Variants in ALG1L2 observed in about 807,000 individuals in gnomAD.
ALG1L2 encodes ALG1 chitobiosyldiphosphodolichol beta-mannosyltransferase like 2.
A neutral mutation model predicts 29.0 loss-of-function variants in ALG1L2; 32 were observed. The observed-to-expected ratio is 1.10, with a 90% CI of 0.83 to 1.48. ALG1L2 has a LOEUF of 1.48. Ranked by LOEUF, ALG1L2 falls within the 40% of genes most tolerant of loss-of-function variation. The probability of loss-of-function intolerance (pLI) is 0.00; values close to 1 mark genes in which losing one functional copy is unlikely to be tolerated. For missense variants in ALG1L2, 318 were observed against 274.1 expected, an observed-to-expected ratio of 1.16 and a Z score of -1.13; for synonymous variants, 110 against 109.5, an observed-to-expected ratio of 1.00 and a Z score of -0.03.
rs1168275061 is a variant in ALG1L2 at position 130,081,908 on chromosome 3, G to A, written c.-109G>A. ...AGACAGGTGTGCAAAGGCTCAGAGGGAGCTTCTCCAGGATCAGCAGAGCTC... is the reference window on the plus strand; with the variant it reads ...AGACAGGTGTGCAAAGGCTCAGAGGAAGCTTCTCCAGGATCAGCAGAGCTC... On this transcript the variant is annotated 5_prime_UTR_variant, in exon 1 of 8. Coordinates refer to ENST00000425059, the MANE Select transcript of ALG1L2 (RefSeq NM_001136152.1). 1 of 1,359,538 alleles carries A rather than the reference G, an allele frequency of 7.4e-7. No individual in the cohort carries two copies. The highest frequency in any genetic ancestry group is 1.4e-5 in the African/African-American group (1 of 71,526). 84.2% of individuals were successfully genotyped at this position (1,359,538 alleles called of 1,614,324 possible). A position where few individuals can be genotyped will look rare whatever the true frequency, so the allele number is the denominator to read the frequency against.
rs1182126684 is a variant in ALG1L2, at chr3:130,097,454, C to G, written c.615+204C>G. Among the ~76,000 whole-genome samples the G allele has an allele frequency of 2.0e-5, 3 of 152,158 alleles. No individual in the cohort carries two copies. In the South Asian group the frequency reaches 6.2e-4, roughly 31 times the overall value. On this transcript the variant is annotated intron_variant, in intron 7 of 7. Transcript: ENST00000425059. ...TAGGCTCGGTAAAGTTAGGACACAA[C>G]CCCACCTGCCCTCTAGATTTATGGA...
intron 3 of ALG1L2, among the ~76,000 whole-genome samples, chr3:130,092,864 T>A (rs1277870325): frequency 6.6e-6 from 1 of 152,054 alleles, no homozygotes; most frequent in African/African-American, 2.4e-5. Flanking sequence ...AACCTGTCTC[T>A]ACTAAAAATA....
rs764569669 is a variant in ALG1L2, at chr3:130,091,352, C to G, written c.112C>G (p.His38Asp). The change falls in exon 2 of 8, where the codon CAC becomes GAC. Residue 38 changes from histidine (H) to aspartate (D), a missense_variant. Transcript: ENST00000425059. ...HRLFMKLGST[H>D]SPFRARSEPE... ...GCTCTTCATGAAGCTGGGCAGCACGCACTCTCCGTTCAGGGCCCGGTAGGC... is the reference window on the plus strand; with the variant it reads ...GCTCTTCATGAAGCTGGGCAGCACGGACTCTCCGTTCAGGGCCCGGTAGGC... 2 of 1,597,350 alleles carry G rather than the reference C, an allele frequency of 1.3e-6. No individual in the cohort carries two copies. Among genetic ancestry groups the G allele is most frequent in the South Asian group, 2.2e-5 (2 of 90,982 alleles).
At chr3:130,092,557 G>T (rs1277161534) in intron 3 of ALG1L2, among the ~76,000 whole-genome samples, 2 of 152,170 alleles carry the variant, frequency 1.3e-5, no homozygotes, top group Admixed American at 6.5e-5. Context: ...GGGGCAGCCT[G>T]GGGACAGTAG....
chr3:130,088,190 T>A (rs1934934676), intron 1 of ALG1L2, among the ~76,000 whole-genome samples: 1 of 152,262 alleles, frequency 6.6e-6, no homozygotes, highest in South Asian at 2.1e-4. Flanking sequence ...TTCTTAGCTG[T>A]GGAATGAGGT....
chr3:130,089,925 C>T (rs1221562410), intron 1 of ALG1L2, among the ~76,000 whole-genome samples: 1 of 152,296 alleles, frequency 6.6e-6, no homozygotes, highest in Non-Finnish European at 1.5e-5. Flanking sequence ...GACTATAATC[C>T]CAGCTACGCG....
At chr3:130,086,116 G>A (rs1457958019) in intron 1 of ALG1L2, among the ~76,000 whole-genome samples, 10 of 151,432 alleles carry the variant, frequency 6.6e-5, no homozygotes, top group African/African-American at 1.7e-4. Flanking sequence ...ACCAACATAC[G>A]CACAGGAGGC....
chr3:130,092,002 C>G, intron 2 of ALG1L2, 99 bp from the exon 3 acceptor site: 1 of 1,563,276 alleles, frequency 6.4e-7, no homozygotes, highest in Non-Finnish European at 8.7e-7. Context: ...GGCACCCCAA[C>G]CGTTGGGAGC....
intron 1 of ALG1L2, among the ~76,000 whole-genome samples, chr3:130,088,355 A>T (rs1314255595): frequency 2.0e-5 from 3 of 152,304 alleles, no homozygotes; most frequent in Non-Finnish European, 4.4e-5. Flanking sequence ...GAGGTAACTA[A>T]ATCACGGGGT....
Position 130,091,182 on chromosome 3 carries a change from G to A in ALG1L2, c.21-79G>A, listed in dbSNP as rs916296179. ...CTGAGGATGGGTGACGTTGGGCATGGAACCCAAATGAGTGGTTTGAGCAGA... is the reference window on the plus strand; with the variant it reads ...CTGAGGATGGGTGACGTTGGGCATGAAACCCAAATGAGTGGTTTGAGCAGA... On this transcript the variant is annotated intron_variant, in intron 1 of 7. Coordinates refer to ENST00000425059, the MANE Select transcript of ALG1L2 (RefSeq NM_001136152.1). 6 of 1,395,774 alleles carry A rather than the reference G, an allele frequency of 4.3e-6. No homozygotes were observed. The African/African-American group carries it at 8.5e-5, about 20-fold the overall frequency. The allele number at this position is 1,395,774 out of a possible 1,614,324, so 86.5% of individuals were successfully genotyped here.
At chr3:130,088,276 C>A (rs1013926299) in intron 1 of ALG1L2, among the ~76,000 whole-genome samples, 2 of 152,304 alleles carry the variant, frequency 1.3e-5, no homozygotes, top group African/African-American at 4.8e-5. Context: ...TATGGTGTGG[C>A]TGTGTCCCCA....
rs2976120 is a variant in ALG1L2 at position 130,097,227 on chromosome 3, G to C, written c.592G>C (p.Glu198Gln). The change falls in exon 7 of 8, where the codon GAG becomes CAG. Residue 198 changes from glutamate to glutamine, a missense_variant. Transcript: ENST00000425059. Reference protein sequence around the residue: ...EENRLVFEDSEELAAQLQYFA... With the variant: ...EENRLVFEDSQELAAQLQYFA... ...AAACCGCCTGGTCTTTGAGGACTCAGAGGAACTGGCAGCTCAGCTGCAGGT... is the reference window on the plus strand; with the variant it reads ...AAACCGCCTGGTCTTTGAGGACTCACAGGAACTGGCAGCTCAGCTGCAGGT... 6.2e-7 allele frequency: 1 copy of C among 1,611,062 alleles called. No individual in the cohort carries two copies. The highest frequency in any genetic ancestry group is 8.5e-7 in the Non-Finnish European group (1 of 1,179,850).
chr3:130,090,537 T>A (rs1934993794), intron 1 of ALG1L2, among the ~76,000 whole-genome samples: 1 of 152,304 alleles, frequency 6.6e-6, no homozygotes, highest in South Asian at 2.1e-4. Context: ...ATAATGCTCA[T>A]TTCTCACAGC....
intron 4 of ALG1L2, chr3:130,094,150 C>T (rs62282623): frequency 4.4e-5 from 23 of 527,994 alleles, no homozygotes; most frequent in East Asian, 3.6e-4. Context: ...GTGCTTACCC[C>T]GCCTTGTTTG....
At chr3:130,088,771 G>T (rs1006937253) in intron 1 of ALG1L2, among the ~76,000 whole-genome samples, 17 of 152,294 alleles carry the variant, frequency 1.1e-4, no homozygotes, top group African/African-American at 3.9e-4. Flanking sequence ...CTTGCCTGCT[G>T]CCATGTAAGA....
chr3:130,083,242 G>T (rs550401687), intron 1 of ALG1L2, among the ~76,000 whole-genome samples: 1 of 143,358 alleles, frequency 7.0e-6, no homozygotes, highest in African/African-American at 2.5e-5. Flanking sequence ...TCAGGAGTTC[G>T]AGACCAGCCT....
At chr3:130,092,292 C>A in intron 3 of ALG1L2, 70 bp downstream of exon 3, 1 of 1,584,532 alleles carries the variant, frequency 6.3e-7, no homozygotes, top group South Asian at 1.1e-5. Context: ...TCTCCTCACC[C>A]CTGCCAGTCC....
chr3:130,097,663 GA>G (rs1181424485), intron 7 of ALG1L2, among the ~76,000 whole-genome samples: 1 of 152,206 alleles, frequency 6.6e-6, no homozygotes, highest in Non-Finnish European at 1.5e-5. Flanking sequence ...TCAACAGAAT[GA>G]TTGGGAGGAT....
chr3:130,095,726 G>A (rs907960580), intron 5 of ALG1L2, among the ~76,000 whole-genome samples: 3 of 152,144 alleles, frequency 2.0e-5, no homozygotes, highest in Non-Finnish European at 4.4e-5. Context: ...ACAGGTGGGA[G>A]GTGAACCTGG....
Sources: allele counts gnomAD v4.1 joint callset (sites outside exome capture counted in the v4.1 genomes callset), GRCh38; gene constraint gnomAD v4.1.1; transcripts MANE v1.5; gene names NCBI Gene and HGNC (gene_info 2026-07-23, HGNC 2026-07-21).